The following NKAIN2 variants were observed in gnomAD, a reference collection of about 807,000 sequenced individuals.
NKAIN2 encodes the protein sodium/potassium transporting ATPase interacting 2, also known as sodium/potassium-transporting ATPase subunit beta-1-interacting protein 2.
Under a neutral mutation model 32.6 loss-of-function variants are expected in NKAIN2, and 14 were observed. That is an observed-to-expected ratio of 0.43 (90% CI 0.28 to 0.67). The LOEUF is 0.67. Among genes scored for constraint, NKAIN2 ranks in the 30% least tolerant of loss-of-function variants. The probability of loss-of-function intolerance (pLI) is 0.17; values close to 1 mark genes in which losing one functional copy is unlikely to be tolerated. For synonymous variants in NKAIN2, 80 were observed against 87.2 expected, an observed-to-expected ratio of 0.92 and a Z score of 0.46; for missense variants, 198 against 258.3, an observed-to-expected ratio of 0.77 and a Z score of 1.60.
At chr6:124,634,369 T>C (rs1026438406) in intron 3 of NKAIN2, among the ~76,000 whole-genome samples, 1 of 152,164 alleles carries the variant, frequency 6.6e-6, no homozygotes. Context: ...AAGCAATTCA[T>C]GATCTGACTG....
chr6:124,714,895 C>T (rs964895640), intron 4 of NKAIN2, among the ~76,000 whole-genome samples: 1 of 152,070 alleles, frequency 6.6e-6, no homozygotes, highest in African/African-American at 2.4e-5. Context: ...TGGGAGACTC[C>T]TCATTTAAAC....
intron 1 of NKAIN2, among the ~76,000 whole-genome samples, chr6:124,270,186 C>T (rs949369314): frequency 6.6e-6 from 1 of 152,154 alleles, no homozygotes; most frequent in African/African-American, 2.4e-5. Context: ...CAGGAAACAG[C>T]TGATGATGGT....
chr6:124,325,127 C>T (rs995601267), intron 2 of NKAIN2, among the ~76,000 whole-genome samples: 17 of 151,978 alleles, frequency 1.1e-4, no homozygotes, highest in Non-Finnish European at 7.4e-5. Context: ...CCTCATCACT[C>T]TTAAATAAAT....
intron 3 of NKAIN2, among the ~76,000 whole-genome samples, chr6:124,443,463 C>G (rs62436346): frequency 0.052 from 7,839 of 152,174 alleles, 291 homozygotes; most frequent in Non-Finnish European, 0.066. Flanking sequence ...TCTGCTCTAG[C>G]AAAGATGCCA....
At chr6:124,184,157 T>G (rs1789593184) in intron 1 of NKAIN2, among the ~76,000 whole-genome samples, 1 of 152,142 alleles carries the variant, frequency 6.6e-6, no homozygotes, top group African/African-American at 2.4e-5. Flanking sequence ...CTTATCAAAC[T>G]TAACTGCTAC....
At chr6:124,797,319 GTCAT>G (rs1465457189) in intron 5 of NKAIN2, among the ~76,000 whole-genome samples, 2 of 152,124 alleles carry the variant, frequency 1.3e-5, no homozygotes, top group African/African-American at 4.8e-5. Context: ...TTACTAAGTA[GTCAT>G]TTTCTTTGCT....
chr6:124,431,698 G>A (rs13201134), intron 3 of NKAIN2, among the ~76,000 whole-genome samples: 2,014 of 152,118 alleles, frequency 0.013, 27 homozygotes, highest in Non-Finnish European at 0.021. Context: ...AATTAGAACA[G>A]CAAATGGGAG....
At chr6:124,042,530 G>A (rs11752543) in intron 1 of NKAIN2, among the ~76,000 whole-genome samples, 8,775 of 152,004 alleles carry the variant, frequency 0.058, 302 homozygotes, top group Middle Eastern at 0.16. Context: ...CACTTTACTC[G>A]TGGGGGAAAA....
intron 1 of NKAIN2, among the ~76,000 whole-genome samples, chr6:124,179,728 G>T (rs560807373): frequency 2.0e-5 from 3 of 152,310 alleles, no homozygotes; most frequent in African/African-American, 7.2e-5. Context: ...GAGGGGAAAT[G>T]TAACTGTGAC....
rs899407519 is a variant in NKAIN2, at chr6:124,686,392, G to T, written c.474+28006G>T. Among the ~76,000 whole-genome samples, 10 of 152,214 alleles carry T rather than the reference G, an allele frequency of 6.6e-5. No individual in the cohort carries two copies. In the East Asian group the frequency reaches 1.9e-3, roughly 29 times the overall value. On this transcript the variant is annotated intron_variant, in intron 4 of 6. Coordinates refer to ENST00000368417, the MANE Select transcript of NKAIN2 (RefSeq NM_001040214.3). ...CTGCTCAGCTTCTGGAAAGGCCTCAGGAAACTTATGATCATGGCAGAAGGC... is the reference window on the plus strand; with the variant it reads ...CTGCTCAGCTTCTGGAAAGGCCTCATGAAACTTATGATCATGGCAGAAGGC...
chr6:124,125,493 T>G (rs1263293348), intron 1 of NKAIN2, among the ~76,000 whole-genome samples: 1 of 152,174 alleles, frequency 6.6e-6, no homozygotes, highest in African/African-American at 2.4e-5. Flanking sequence ...GGGAAAAGTA[T>G]GGGCTGATAA....
At chr6:124,476,397 CTGTG>C (rs56691516) in intron 3 of NKAIN2, among the ~76,000 whole-genome samples, 2,282 of 137,958 alleles carry the variant, frequency 0.017, 41 homozygotes, top group East Asian at 0.099. Context: ...ATGTATGTGA[CTGTG>C]TGTGTGTGTG....
chr6:124,635,890 A>G (rs1259625124), intron 3 of NKAIN2, among the ~76,000 whole-genome samples: 1 of 152,102 alleles, frequency 6.6e-6, no homozygotes, highest in African/African-American at 2.4e-5. Flanking sequence ...TTATCCCGAT[A>G]GAAAATCAAC....
rs1017660958 is a variant in NKAIN2, at chr6:123,947,562, T to C, written c.54+143308T>C. Among the ~76,000 whole-genome samples, 15 of 152,306 alleles carry C rather than the reference T, an allele frequency of 9.8e-5. No homozygotes were observed. The South Asian group carries it at 3.1e-3, about 32-fold the overall frequency. On this transcript the variant is annotated intron_variant, in intron 1 of 6. Coordinates refer to ENST00000368417, the MANE Select transcript of NKAIN2 (RefSeq NM_001040214.3). The stretch of plus-strand genomic sequence containing the variant: ...CATGTGTCTGAACTGCCTACTTTTT[T>C]TAAGCCATAGCCAGAGAACCACAGA...
intron 1 of NKAIN2, among the ~76,000 whole-genome samples, chr6:124,012,129 G>A (rs1436857562): frequency 6.6e-6 from 1 of 151,926 alleles, no homozygotes; most frequent in Non-Finnish European, 1.5e-5. Flanking sequence ...TATATAGCAT[G>A]AAATCATTAC....
intron 4 of NKAIN2, among the ~76,000 whole-genome samples, chr6:124,690,799 T>C (rs111643430): frequency 1.4e-4 from 21 of 152,172 alleles, no homozygotes; most frequent in African/African-American, 5.1e-4. Context: ...TCAATTCAAT[T>C]GAATGCACTT....
chr6:124,769,479 T>C (rs1294207522), intron 4 of NKAIN2, among the ~76,000 whole-genome samples: 1 of 152,120 alleles, frequency 6.6e-6, no homozygotes, highest in Non-Finnish European at 1.5e-5. Flanking sequence ...GGAATGATAG[T>C]TTTTGCATGC....
At chr6:124,017,348 T>C (rs1404172524) in intron 1 of NKAIN2, among the ~76,000 whole-genome samples, 2 of 152,116 alleles carry the variant, frequency 1.3e-5, no homozygotes. Context: ...ACGAACTGTA[T>C]TATTCCTCTT....
At chr6:124,442,262 ATAACCATTGGAGAATTGAAGATATGT>A (rs1266925566) in intron 3 of NKAIN2, among the ~76,000 whole-genome samples, 1 of 152,062 alleles carries the variant, frequency 6.6e-6, no homozygotes, top group Non-Finnish European at 1.5e-5. Flanking sequence ...GCATGACATG[ATAACCATTGGAGAATTGAAGATATGT>A]TAACCATTGG....
Sources: gnomAD v4.1 joint callset for allele counts (sites outside exome capture counted in the v4.1 genomes callset) on GRCh38, gnomAD v4.1.1 for gene constraint, MANE v1.5 for transcripts, NCBI Gene and HGNC (gene_info 2026-07-23, HGNC 2026-07-21) for gene names.